Variants in STK32B observed in about 807,000 individuals in gnomAD.
STK32B encodes the protein serine/threonine kinase 32B, also known as serine/threonine-protein kinase 32B.
In STK32B, 43 loss-of-function variants were observed where a neutral mutation model predicts 52.6. The ratio of observed to expected loss-of-function variants is 0.82; its 90% CI spans 0.64 to 1.05. The LOEUF (loss-of-function observed/expected upper bound fraction) is 1.05. STK32B is among the 50% of genes least tolerant of loss of function. STK32B has a pLI of 0.00. For synonymous variants in STK32B, 238 were observed against 204.3 expected (o/e 1.17, Z -1.41); for missense variants, 621 against 534.6 (o/e 1.16, Z -1.59).
intron 4 of STK32B, among the ~76,000 whole-genome samples, chr4:5,357,046 T>C (rs1017290020): frequency 3.1e-4 from 43 of 138,002 alleles, no homozygotes; most frequent in African/African-American, 8.9e-4. Flanking sequence ...CACACATATA[T>C]ACACACACAC....
rs560003411 is a variant in STK32B, at chr4:5,422,578, C to T, written c.562+5644C>T. Among the ~76,000 whole-genome samples, 33 of 152,246 alleles carry T rather than the reference C, an allele frequency of 2.2e-4. 1 individual carries two copies. The highest frequency in any genetic ancestry group is 6.7e-4 in the African/African-American group (28 of 41,542). On this transcript the variant is annotated intron_variant, in intron 6 of 11. Coordinates refer to ENST00000282908, the MANE Select transcript of STK32B (RefSeq NM_018401.3). ...AGAAGTCAGAATGTTCCAGCAGCCACGTGGGGCTTCAGAGTTTATTAATTT... is the reference window on the plus strand; with the variant it reads ...AGAAGTCAGAATGTTCCAGCAGCCATGTGGGGCTTCAGAGTTTATTAATTT...
At chr4:5,134,268 TGAGAG>T (rs945406191) in intron 1 of STK32B, among the ~76,000 whole-genome samples, 6 of 152,216 alleles carry the variant, frequency 3.9e-5, no homozygotes, top group Admixed American at 3.9e-4. Flanking sequence ...GAAACAGTGT[TGAGAG>T]GAGAGGCCTA....
intron 1 of STK32B, among the ~76,000 whole-genome samples, chr4:5,070,660 A>G (rs1711710773): frequency 6.6e-6 from 1 of 152,068 alleles, no homozygotes; most frequent in Non-Finnish European, 1.5e-5. Flanking sequence ...AAGAGGTGAA[A>G]TTTGGACACA....
intron 7 of STK32B, 183 bp downstream of exon 7, chr4:5,446,959 C>G (rs1023324376): frequency 1.2e-5 from 7 of 577,596 alleles, no homozygotes; most frequent in Admixed American, 1.1e-4. Flanking sequence ...TCTGGTCCAA[C>G]CCACTCATTG....
At chr4:5,456,121 C>T (rs1164594353) in intron 7 of STK32B, among the ~76,000 whole-genome samples, 1 of 152,180 alleles carries the variant, frequency 6.6e-6, no homozygotes, top group Non-Finnish European at 1.5e-5. Flanking sequence ...CCCAGGGTCA[C>T]AGTCAAGAAA....
chr4:5,401,526 C>G (rs1021893557), intron 5 of STK32B, among the ~76,000 whole-genome samples: 4 of 152,200 alleles, frequency 2.6e-5, no homozygotes, highest in African/African-American at 9.7e-5. Flanking sequence ...ACTTTCTGAT[C>G]TTTCAGGGTT....
chr4:5,420,959 G>A (rs976422829), intron 6 of STK32B, among the ~76,000 whole-genome samples: 3 of 152,130 alleles, frequency 2.0e-5, no homozygotes, highest in African/African-American at 7.2e-5. Flanking sequence ...GAGTATAATG[G>A]CATGATCTTG....
intron 3 of STK32B, among the ~76,000 whole-genome samples, chr4:5,215,750 A>G (rs1386850230): frequency 6.6e-6 from 1 of 152,076 alleles, no homozygotes; most frequent in Non-Finnish European, 1.5e-5. Context: ...AGCAGGCAAA[A>G]TTGTGGAATC....
chr4:5,128,799 C>G (rs1276740786), intron 1 of STK32B, among the ~76,000 whole-genome samples: 1 of 152,184 alleles, frequency 6.6e-6, no homozygotes, highest in South Asian at 2.1e-4. Flanking sequence ...TGGCTGCTAC[C>G]GGCTCAGGAT....
intron 4 of STK32B, among the ~76,000 whole-genome samples, chr4:5,359,380 C>CA (rs200158749): frequency 0.33 from 48,068 of 145,944 alleles, 10,129 homozygotes; most frequent in African/African-American, 0.62. Context: ...CTCATCCAAC[C>CA]CTCCCTCCCT....
intron 4 of STK32B, among the ~76,000 whole-genome samples, chr4:5,346,203 C>G (rs537835671): frequency 6.6e-6 from 1 of 152,320 alleles, no homozygotes; most frequent in South Asian, 2.1e-4. Flanking sequence ...GCTGAGAAAT[C>G]AGGTGTGTTC....
intron 3 of STK32B, among the ~76,000 whole-genome samples, chr4:5,276,698 G>A (rs866835045): frequency 3.9e-5 from 6 of 152,012 alleles, no homozygotes; most frequent in South Asian, 2.1e-4. Context: ...TTTTCATCAC[G>A]AGGCTGAGAT....
At chr4:5,088,535 C>G (rs986490588) in intron 1 of STK32B, among the ~76,000 whole-genome samples, 1 of 151,852 alleles carries the variant, frequency 6.6e-6, no homozygotes, top group Admixed American at 6.6e-5. Flanking sequence ...TTATTAATAC[C>G]TAGTATTTGA....
Position 5,495,187 on chromosome 4 carries a change from G to A in STK32B, c.1107-3758G>A, listed in dbSNP as rs28835603. Among the ~76,000 whole-genome samples, 721 of 152,210 alleles carry A rather than the reference G, an allele frequency of 4.7e-3. 15 individuals carry two copies. Among genetic ancestry groups the A allele is most frequent in the African/African-American group, 0.016 (671 of 41,516 alleles). On this transcript the variant is annotated intron_variant, in intron 11 of 11. Transcript: ENST00000282908. ...GCAGAGTGTTTTCCAACTTGGTTCCGTTTTCCCTGTCACTTTCAGGTACAC... is the reference window on the plus strand; with the variant it reads ...GCAGAGTGTTTTCCAACTTGGTTCCATTTTCCCTGTCACTTTCAGGTACAC...
chr4:5,494,011 T>G (rs562679475), intron 11 of STK32B, among the ~76,000 whole-genome samples: 2 of 152,384 alleles, frequency 1.3e-5, no homozygotes, highest in South Asian at 2.1e-4. Context: ...ATGTGGTCAA[T>G]TTTGGAATAG....
intron 3 of STK32B, among the ~76,000 whole-genome samples, chr4:5,304,636 A>C (rs1439712415): frequency 3.3e-5 from 5 of 152,144 alleles, no homozygotes; most frequent in African/African-American, 9.7e-5. Flanking sequence ...AAACAGCAAC[A>C]GTTTGACTTC....
intron 7 of STK32B, among the ~76,000 whole-genome samples, chr4:5,449,309 C>T (rs755892841): frequency 6.6e-6 from 1 of 152,214 alleles, no homozygotes; most frequent in Non-Finnish European, 1.5e-5. Context: ...TGCCACTGCA[C>T]TCTAGCCTGG....
At chr4:5,457,790 T>C (rs1716683865) in intron 8 of STK32B, among the ~76,000 whole-genome samples, 1 of 151,318 alleles carries the variant, frequency 6.6e-6, no homozygotes, top group Non-Finnish European at 1.5e-5. Context: ...GTGAATCACT[T>C]GAACCTGGGA....
chr4:5,159,060 C>A (rs1267417249), intron 2 of STK32B, among the ~76,000 whole-genome samples: 2 of 152,138 alleles, frequency 1.3e-5, no homozygotes, highest in African/African-American at 4.8e-5. Context: ...CAAGTGAATA[C>A]CAGCAAGCTT....
Sources: allele counts gnomAD v4.1 joint callset (sites outside exome capture counted in the v4.1 genomes callset), GRCh38; gene constraint gnomAD v4.1.1; transcripts MANE v1.5; gene names NCBI Gene and HGNC (gene_info 2026-07-23, HGNC 2026-07-21).